MRTFA: variants seen among roughly 807,000 people sequenced by gnomAD.
MRTFA encodes myocardin related transcription factor A, also known as myocardin-related transcription factor A.
In MRTFA, 20 loss-of-function variants were observed where a neutral mutation model predicts 83.5. The ratio of observed to expected loss-of-function variants is 0.24; its 90% CI spans 0.17 to 0.35. The LOEUF is 0.35. MRTFA is among the 10% of genes least tolerant of loss of function. The probability of loss-of-function intolerance (pLI) is 1.00; values close to 1 mark genes in which losing one functional copy is unlikely to be tolerated. For missense variants in MRTFA, 1,200 were observed against 1,224.7 expected (o/e 0.98, Z 0.30); for synonymous variants, 659 against 541.2 (o/e 1.22, Z -3.02).
chr22:40,487,473 T>C (rs903233170), intron 3 of MRTFA, among the ~76,000 whole-genome samples: 4 of 152,182 alleles, frequency 2.6e-5, no homozygotes, highest in Non-Finnish European at 5.9e-5. Flanking sequence ...AAGTTCACCA[T>C]TGGCAAGATC....
At chr22:40,459,585 C>T (rs1206461385) in intron 4 of MRTFA, among the ~76,000 whole-genome samples, 3 of 151,592 alleles carry the variant, frequency 2.0e-5, no homozygotes, top group South Asian at 2.1e-4. Context: ...TTTTAGAATC[C>T]GGGCTCCTGA....
At chr22:40,543,644 A>G (rs2055323351) in intron 3 of MRTFA, among the ~76,000 whole-genome samples, 1 of 152,206 alleles carries the variant, frequency 6.6e-6, no homozygotes, top group Non-Finnish European at 1.5e-5. Context: ...AAAACACACA[A>G]AGTGTCTAAA....
chr22:40,604,467 G>A (rs1386771353), intron 1 of MRTFA, among the ~76,000 whole-genome samples: 3 of 151,680 alleles, frequency 2.0e-5, no homozygotes, highest in Non-Finnish European at 2.9e-5. Flanking sequence ...CCTAAATACT[G>A]GCCAAGCGCG....
chr22:40,568,688 A>G (rs545476379), intron 2 of MRTFA, among the ~76,000 whole-genome samples: 5 of 152,222 alleles, frequency 3.3e-5, no homozygotes, highest in Admixed American at 6.5e-5. Flanking sequence ...AACAAAGTAA[A>G]TAATACAACT....
chr22:40,514,432 G>T (rs116486593), intron 3 of MRTFA, among the ~76,000 whole-genome samples: 2,441 of 151,614 alleles, frequency 0.016, 63 homozygotes, highest in African/African-American at 0.056. Context: ...TGGTGGGGAG[G>T]GGGGAGTTAC....
At chr22:40,522,317 C>T (rs1406783073) in intron 3 of MRTFA, 3 of 152,234 alleles carry the variant, frequency 2.0e-5, no homozygotes, top group South Asian at 2.1e-4. Context: ...AATCCCCACG[C>T]CTTCCCCTCA....
chr22:40,593,236 C>T (rs2056146435), intron 2 of MRTFA, among the ~76,000 whole-genome samples: 1 of 152,112 alleles, frequency 6.6e-6, no homozygotes, highest in African/African-American at 2.4e-5. Context: ...AATGAAGTAA[C>T]ATAAAACACT....
chr22:40,583,525 C>T (rs555269960), intron 2 of MRTFA, among the ~76,000 whole-genome samples: 1 of 152,316 alleles, frequency 6.6e-6, no homozygotes, highest in East Asian at 1.9e-4. Flanking sequence ...AAAAGACTCT[C>T]TAGGTCAGGG....
chr22:40,465,161 T>A (rs1457196749), intron 3 of MRTFA, among the ~76,000 whole-genome samples: 1 of 152,240 alleles, frequency 6.6e-6, no homozygotes, highest in Non-Finnish European at 1.5e-5. Context: ...CTACCTTTTA[T>A]ATGTTAGGGA....
intron 3 of MRTFA, among the ~76,000 whole-genome samples, chr22:40,475,186 GA>G (rs764647686): frequency 2.9e-4 from 44 of 152,144 alleles, no homozygotes; most frequent in Non-Finnish European, 4.7e-4. Flanking sequence ...GGAGTTCTGT[GA>G]GAATGAGAAC....
At chr22:40,491,790 G>T (rs1335086414) in intron 3 of MRTFA, among the ~76,000 whole-genome samples, 3 of 152,208 alleles carry the variant, frequency 2.0e-5, no homozygotes, top group Admixed American at 2.0e-4. Context: ...ACCAGGTCAT[G>T]AAATGCACCC....
At chr22:40,569,742 TA>T (rs2055758840) in intron 2 of MRTFA, 2 of 151,274 alleles carry the variant, frequency 1.3e-5, no homozygotes, top group East Asian at 1.9e-4. Context: ...CATACATACA[TA>T]CATACATACA....
chr22:40,477,845 G>C (rs1038575863), intron 3 of MRTFA, among the ~76,000 whole-genome samples: 3 of 151,926 alleles, frequency 2.0e-5, no homozygotes, highest in Non-Finnish European at 2.9e-5. Context: ...AAAAAGGAAA[G>C]GGGAAACAAA....
chr22:40,573,092 T>C (rs1030763086), intron 2 of MRTFA, among the ~76,000 whole-genome samples: 18 of 152,028 alleles, frequency 1.2e-4, no homozygotes, highest in Non-Finnish European at 2.9e-5. Context: ...AGAAAGTAGA[T>C]TAGTGGTTAC....
chr22:40,582,665 TAC>T (rs3044561), intron 2 of MRTFA, among the ~76,000 whole-genome samples: 3,194 of 142,230 alleles, frequency 0.022, 72 homozygotes, highest in Middle Eastern at 0.11. Flanking sequence ...TATACACACA[TAC>T]ACACACACAC....
At chr22:40,512,540 A>G (rs1372855884) in intron 3 of MRTFA, among the ~76,000 whole-genome samples, 1 of 152,228 alleles carries the variant, frequency 6.6e-6, no homozygotes, top group African/African-American at 2.4e-5. Flanking sequence ...AGGATCATCT[A>G]TCCCTAACCA....
At chr22:40,545,558 A>G (rs1048117475) in intron 3 of MRTFA, among the ~76,000 whole-genome samples, 34 of 151,042 alleles carry the variant, frequency 2.3e-4, no homozygotes, top group African/African-American at 7.6e-4. Flanking sequence ...TCAGCCTCCC[A>G]AGGAGCTGGG....
chr22:40,600,943 C>A (rs192493667), intron 1 of MRTFA, among the ~76,000 whole-genome samples: 1 of 152,182 alleles, frequency 6.6e-6, no homozygotes, highest in Non-Finnish European at 1.5e-5. Context: ...CCACTGTACT[C>A]CAGCCTGGGT....
chr22:40,627,411 G>A (rs1220751215), intron 1 of MRTFA, among the ~76,000 whole-genome samples: 1 of 152,142 alleles, frequency 6.6e-6, no homozygotes, highest in African/African-American at 2.4e-5. Context: ...ATAATGCCTG[G>A]CCCTTATTTG....
Sources: allele counts gnomAD v4.1 joint callset (sites outside exome capture counted in the v4.1 genomes callset), GRCh38; gene constraint gnomAD v4.1.1; transcripts MANE v1.5; gene names NCBI Gene and HGNC (gene_info 2026-07-23, HGNC 2026-07-21).